ATP13A4: variants seen among roughly 807,000 people sequenced by gnomAD.
ATP13A4 encodes the protein probable cation-transporting ATPase 13A4.
In ATP13A4, 114 loss-of-function variants were observed where a neutral mutation model predicts 142.5. The observed-to-expected ratio is 0.80, with a 90% CI of 0.69 to 0.93. The LOEUF is 0.93. Ranked by LOEUF, ATP13A4 falls within the 40% of genes least tolerant of loss-of-function variation. The pLI is 0.00. For synonymous variants in ATP13A4, 488 were observed against 514.8 expected, an observed-to-expected ratio of 0.95 and a Z score of 0.70; for missense variants, 1,392 against 1,454.0, an observed-to-expected ratio of 0.96 and a Z score of 0.69.
Position 193,489,810 on chromosome 3 carries a change from CA to C in ATP13A4, c.657del (p.Ser219ArgfsTer12). The C allele has an allele frequency of 6.2e-7, 1 of 1,611,316 alleles. No individual in the cohort carries two copies. Among genetic ancestry groups the C allele is most frequent in the Non-Finnish European group, 8.5e-7 (1 of 1,177,580 alleles). On this transcript the variant is annotated frameshift_variant, in exon 7 of 30. Transcript: ENST00000342695. LOFTEE classifies it high-confidence loss of function. Reference protein sequence around the residue: ...FQLFSVCLWFSEDYKEYAFAI... With the variant: ...FQLFSVCLWFXEDYKEYAFAI... ...GCAAAAGCATATTCCTTATAGTCTT[CA>C]CTAAACCACAAACAGACACTGAAGA...
At chr3:193,522,514 G>A (rs1352359745) in intron 1 of ATP13A4, among the ~76,000 whole-genome samples, 1 of 152,182 alleles carries the variant, frequency 6.6e-6, no homozygotes, top group Non-Finnish European at 1.5e-5. Context: ...CAGCCAGTAG[G>A]TAAGAGAGCC....
chr3:193,455,085 TC>T (rs200665293), intron 16 of ATP13A4, among the ~76,000 whole-genome samples: 2,043 of 152,138 alleles, frequency 0.013, 42 homozygotes, highest in African/African-American at 0.039. Context: ...AAGCCTGTAA[TC>T]CCAGCACTTT....
chr3:193,435,106 T>C (rs563021008), intron 24 of ATP13A4, among the ~76,000 whole-genome samples: 1 of 152,354 alleles, frequency 6.6e-6, no homozygotes, highest in African/African-American at 2.4e-5. Context: ...TATTTACGAC[T>C]CTTGTATCTA....
chr3:193,511,795 A>T (rs1322656623), intron 2 of ATP13A4, among the ~76,000 whole-genome samples: 2 of 152,154 alleles, frequency 1.3e-5, no homozygotes, highest in African/African-American at 4.8e-5. Context: ...CCATTTTACA[A>T]GTGGTGAAAT....
At position 193,512,701 on chromosome 3, in the gene ATP13A4, T is replaced by G. The variant is rs376501613; in HGVS notation, c.234+1997A>C. 7.4e-4 allele frequency among the ~76,000 whole-genome samples: 113 copies of G among 152,242 alleles called. 1 individual carries two copies. The highest frequency in any genetic ancestry group is 2.6e-3 in the African/African-American group (109 of 41,546). On this transcript the variant is annotated intron_variant, in intron 2 of 29. Transcript: ENST00000342695. ...CCTCTCTAGATTATTCTGATGCCAG[T>G]TGAAGTGTGTGAACCCTGGTCTAAG...
intron 7 of ATP13A4, among the ~76,000 whole-genome samples, chr3:193,487,810 A>G (rs1224765561): frequency 6.6e-6 from 1 of 152,212 alleles, no homozygotes; most frequent in Admixed American, 6.5e-5. Flanking sequence ...GATGCATGAA[A>G]AGATATATGT....
intron 8 of ATP13A4, among the ~76,000 whole-genome samples, chr3:193,471,954 T>A (rs899971551): frequency 2.1e-4 from 32 of 152,188 alleles, no homozygotes; most frequent in Non-Finnish European, 3.7e-4. Flanking sequence ...GTATAGGGTG[T>A]CAGAGCTTGA....
rs139263397 is a variant in ATP13A4, at chr3:193,515,882, G to T, written c.61-1011C>A. Among the ~76,000 whole-genome samples, 435 of 152,282 alleles carry T rather than the reference G, an allele frequency of 2.9e-3. 2 individuals are homozygous for T. The highest frequency in any genetic ancestry group is 8.3e-3 in the South Asian group (40 of 4,826). ...CATTCTCCAGACCAAGACTCTTTGG[G>T]TTCAGAGACTAGCTCTGCCACTTAC... is the stretch of plus-strand genomic sequence containing the variant. On this transcript the variant is annotated intron_variant, in intron 1 of 29. Transcript: ENST00000342695.
At chr3:193,469,235 G>C (rs376515991) in intron 9 of ATP13A4, among the ~76,000 whole-genome samples, 1 of 152,168 alleles carries the variant, frequency 6.6e-6, no homozygotes, top group Non-Finnish European at 1.5e-5. Context: ...AATTTGGAGA[G>C]AGAGAATTAT....
chr3:193,523,911 G>A (rs1325919472), intron 1 of ATP13A4, among the ~76,000 whole-genome samples: 2 of 152,054 alleles, frequency 1.3e-5, no homozygotes, highest in African/African-American at 4.8e-5. Flanking sequence ...GTTCCCACAA[G>A]AGCGGTTGTT....
At chr3:193,439,300 G>A (rs903793092) in intron 21 of ATP13A4, among the ~76,000 whole-genome samples, 1 of 152,172 alleles carries the variant, frequency 6.6e-6, no homozygotes, top group African/African-American at 2.4e-5. Context: ...GCACATCACT[G>A]CGTAGGGAGA....
chr3:193,443,361 A>G (rs931419255), intron 18 of ATP13A4, among the ~76,000 whole-genome samples: 1 of 152,196 alleles, frequency 6.6e-6, no homozygotes, highest in Non-Finnish European at 1.5e-5. Context: ...TTGAACTATG[A>G]TATAAATCAC....
chr3:193,569,095 A>G (rs1170894218), intron 2 of ATP13A4, among the ~76,000 whole-genome samples: 2 of 152,224 alleles, frequency 1.3e-5, no homozygotes, highest in Non-Finnish European at 2.9e-5. Flanking sequence ...TTTGACTGAC[A>G]CTATGTCAGC....
intron 10 of ATP13A4, 69 bp from the exon 11 acceptor site, chr3:193,466,251 A>G (rs1310300852): frequency 1.6e-5 from 25 of 1,573,074 alleles, no homozygotes; most frequent in East Asian, 9.0e-5. Flanking sequence ...CCAAACCTCA[A>G]CACTGCCTTT....
chr3:193,569,685 G>A (rs985302966), intron 2 of ATP13A4, among the ~76,000 whole-genome samples: 10 of 151,554 alleles, frequency 6.6e-5, no homozygotes, highest in Admixed American at 1.3e-4. Flanking sequence ...ACGCCACCAC[G>A]CTCAGCTAAT....
Position 193,480,194 on chromosome 3 carries a change from T to C in ATP13A4, c.808+3742A>G, listed in dbSNP as rs1267871995. Among the ~76,000 whole-genome samples, 4 of 152,196 alleles carry C rather than the reference T, an allele frequency of 2.6e-5. No individual in the cohort carries two copies. The South Asian group carries it at 6.2e-4, about 24-fold the overall frequency. On this transcript the variant is annotated intron_variant, in intron 8 of 29. Coordinates refer to ENST00000342695, the MANE Select transcript of ATP13A4 (RefSeq NM_032279.4). The stretch of plus-strand genomic sequence containing the variant: ...AGCATTAGAAAAACTCTTCTAGACA[T>C]TGGCTTAGCCAAAGACTTCATAACA...
At chr3:193,456,177 G>GT (rs1243463069) in intron 16 of ATP13A4, among the ~76,000 whole-genome samples, 2 of 151,848 alleles carry the variant, frequency 1.3e-5, no homozygotes, top group African/African-American at 4.8e-5. Flanking sequence ...TAAAATATAG[G>GT]TTAAAAAAAG....
intron 1 of ATP13A4, among the ~76,000 whole-genome samples, chr3:193,524,443 G>GA (rs1033080169): frequency 6.6e-6 from 1 of 152,194 alleles, no homozygotes; most frequent in Admixed American, 6.5e-5. Context: ...GTCAGGAAGA[G>GA]AAAAACTCCA....
chr3:193,479,160 T>C (rs1207994960), intron 8 of ATP13A4, among the ~76,000 whole-genome samples: 1 of 152,112 alleles, frequency 6.6e-6, no homozygotes, highest in African/African-American at 2.4e-5. Context: ...CAGCTAACAT[T>C]ATACTGAATG....
Sources: gnomAD v4.1 joint callset for allele counts (sites outside exome capture counted in the v4.1 genomes callset) on GRCh38, gnomAD v4.1.1 for gene constraint, MANE v1.5 for transcripts, NCBI Gene and HGNC (gene_info 2026-07-23, HGNC 2026-07-21) for gene names.